Variants in FARS2 observed in about 807,000 individuals in gnomAD.
FARS2 encodes phenylalanine--tRNA ligase, mitochondrial.
A neutral mutation model predicts 46.4 loss-of-function variants in FARS2; 40 were observed. The observed-to-expected ratio is 0.86, with a 90% CI of 0.67 to 1.12. The LOEUF is 1.12. FARS2 is among the 50% of genes most tolerant of loss of function. The pLI is 0.00. For missense variants in FARS2, 513 were observed against 567.9 expected (o/e 0.90, Z 0.98); for synonymous variants, 234 against 214.9 (o/e 1.09, Z -0.78).
At position 5,568,357 on chromosome 6, in the gene FARS2, A is replaced by G. The variant is rs181948205; in HGVS notation, c.1065+23017A>G. Among the ~76,000 whole-genome samples the G allele has an allele frequency of 2.6e-4, 40 of 152,276 alleles. 1 individual carries two copies. In the East Asian group the frequency reaches 6.0e-3, roughly 23 times the overall value. ...TTCAACAGGATTTATCCCAAACACA[A>G]GAGCGTTATTAATTATTTATAAAAC... On this transcript the variant is annotated intron_variant, in intron 5 of 6. Transcript: ENST00000274680.
intron 5 of FARS2, among the ~76,000 whole-genome samples, chr6:5,558,631 G>A (rs552589410): frequency 1.3e-4 from 20 of 152,090 alleles, no homozygotes; most frequent in Non-Finnish European, 4.4e-5. Flanking sequence ...CTGCCTCGCG[G>A]GTTCATGCCA....
At chr6:5,299,560 G>A (rs1331844610) in intron 1 of FARS2, among the ~76,000 whole-genome samples, 1 of 152,210 alleles carries the variant, frequency 6.6e-6, no homozygotes, top group Non-Finnish European at 1.5e-5. Context: ...GGGTTCAGGG[G>A]AAACAAGTAT....
chr6:5,691,071 A>T (rs1410659327), intron 6 of FARS2, among the ~76,000 whole-genome samples: 2 of 152,000 alleles, frequency 1.3e-5, no homozygotes, highest in African/African-American at 2.4e-5. Context: ...TGCATTGGTT[A>T]TTCCAGTTAG....
chr6:5,643,421 TAGG>T (rs1304150170), intron 6 of FARS2, among the ~76,000 whole-genome samples: 2 of 152,106 alleles, frequency 1.3e-5, no homozygotes, highest in East Asian at 1.9e-4. Context: ...AAACCTCAGA[TAGG>T]AGCCAAAACG....
chr6:5,408,147 C>T (rs562116447), intron 3 of FARS2, among the ~76,000 whole-genome samples: 12 of 152,336 alleles, frequency 7.9e-5, no homozygotes, highest in Admixed American at 7.2e-4. Context: ...TAGCCATACT[C>T]CCTGTCTTCA....
intron 6 of FARS2, among the ~76,000 whole-genome samples, chr6:5,735,578 G>A (rs1163482013): frequency 6.6e-6 from 1 of 152,230 alleles, no homozygotes; most frequent in Non-Finnish European, 1.5e-5. Flanking sequence ...CAGCACATAA[G>A]TGGTCACTGT....
intron 5 of FARS2, among the ~76,000 whole-genome samples, chr6:5,605,032 G>C (rs1241543890): frequency 1.3e-5 from 2 of 152,232 alleles, no homozygotes; most frequent in African/African-American, 4.8e-5. Context: ...AAGAACCATT[G>C]TGTGAGGAAA....
chr6:5,530,154 G>A (rs1011184855), intron 4 of FARS2, among the ~76,000 whole-genome samples: 5 of 152,138 alleles, frequency 3.3e-5, no homozygotes, highest in African/African-American at 1.2e-4. Context: ...AAGCATCGGG[G>A]TCTCCAGATG....
At chr6:5,443,534 G>GT (rs201861133) in intron 4 of FARS2, among the ~76,000 whole-genome samples, 2,032 of 152,282 alleles carry the variant, frequency 0.013, 40 homozygotes, top group African/African-American at 0.046. Context: ...CTTGGCAGTT[G>GT]TTTTTTTGCC....
At chr6:5,662,708 C>T (rs1582697050) in intron 6 of FARS2, among the ~76,000 whole-genome samples, 2 of 152,188 alleles carry the variant, frequency 1.3e-5, no homozygotes, top group African/African-American at 4.8e-5. Flanking sequence ...AGCCCTTCAT[C>T]GAGAAGCTAG....
At chr6:5,303,798 G>A (rs1024733901) in intron 1 of FARS2, among the ~76,000 whole-genome samples, 1 of 152,090 alleles carries the variant, frequency 6.6e-6, no homozygotes, top group South Asian at 2.1e-4. Context: ...TAACTAAGCT[G>A]ACAGTATGTG....
chr6:5,440,070 CT>C (rs1353137723), intron 4 of FARS2, among the ~76,000 whole-genome samples: 1 of 151,942 alleles, frequency 6.6e-6, no homozygotes, highest in African/African-American at 2.4e-5. Context: ...GATGGTGAGA[CT>C]TTTTTTCTGA....
intron 6 of FARS2, among the ~76,000 whole-genome samples, chr6:5,703,188 C>T (rs764432454): frequency 1.1e-3 from 170 of 152,322 alleles, no homozygotes; most frequent in Admixed American, 1.7e-3. Context: ...TGATGAACCT[C>T]TGGTAGCCAC....
intron 2 of FARS2, among the ~76,000 whole-genome samples, chr6:5,376,433 G>GTGTA (rs1367437293): frequency 6.6e-6 from 1 of 152,194 alleles, no homozygotes; most frequent in African/African-American, 2.4e-5. Context: ...TCTATTGGGA[G>GTGTA]TGTATATAGT....
chr6:5,413,372 G>A (rs1762046487), intron 3 of FARS2, among the ~76,000 whole-genome samples: 1 of 151,974 alleles, frequency 6.6e-6, no homozygotes, highest in South Asian at 2.1e-4. Context: ...AAATTTTAGG[G>A]CTGCTGTAAT....
Position 5,627,267 on chromosome 6 carries a change from T to C in FARS2, c.1217+13947T>C, listed in dbSNP as rs545370214. On this transcript the variant is annotated intron_variant, in intron 6 of 6. Coordinates refer to ENST00000274680, the MANE Select transcript of FARS2 (RefSeq NM_006567.5). Reference sequence around the variant, plus strand: ...GTTATACTTCTCGGGAATGAAGGCATACCCTGCAGTAGGTTTTGGATTCTG... The same window carrying C: ...GTTATACTTCTCGGGAATGAAGGCACACCCTGCAGTAGGTTTTGGATTCTG... Among the ~76,000 whole-genome samples, 8 of 152,400 alleles carry C rather than the reference T, an allele frequency of 5.2e-5. No homozygotes were observed. The South Asian group carries it at 1.7e-3, about 32-fold the overall frequency.
intron 1 of FARS2, among the ~76,000 whole-genome samples, chr6:5,330,633 A>G (rs931354974): frequency 6.6e-6 from 1 of 152,220 alleles, no homozygotes; most frequent in African/African-American, 2.4e-5. Flanking sequence ...AACAGGTGGC[A>G]TCAGTGAAAT....
intron 6 of FARS2, among the ~76,000 whole-genome samples, chr6:5,709,730 T>TTGTGTG (rs796259065): frequency 4.1e-5 from 4 of 96,660 alleles, no homozygotes; most frequent in African/African-American, 1.3e-4. Context: ...GGGGGTGGGG[T>TTGTGTG]TGTGTGTGTG....
At chr6:5,596,386 A>G (rs1402725339) in intron 5 of FARS2, among the ~76,000 whole-genome samples, 1 of 152,220 alleles carries the variant, frequency 6.6e-6, no homozygotes, top group Non-Finnish European at 1.5e-5. Flanking sequence ...CTCCATTGTG[A>G]GAATGGGTAA....
Sources: allele counts gnomAD v4.1 joint callset (sites outside exome capture counted in the v4.1 genomes callset), GRCh38; gene constraint gnomAD v4.1.1; transcripts MANE v1.5; gene names NCBI Gene and HGNC (gene_info 2026-07-23, HGNC 2026-07-21).